Variants in SMAD9 observed in about 807,000 individuals in gnomAD.
SMAD9 encodes the protein MAD homolog 9.
Under a neutral mutation model 46.1 loss-of-function variants are expected in SMAD9, and 36 were observed. The ratio of observed to expected loss-of-function variants is 0.78; its 90% CI spans 0.60 to 1.03. The LOEUF (loss-of-function observed/expected upper bound fraction) is 1.03. Ranked by LOEUF, SMAD9 falls within the 50% of genes least tolerant of loss-of-function variation. The probability of loss-of-function intolerance (pLI) is 0.00; values close to 1 mark genes in which losing one functional copy is unlikely to be tolerated. For synonymous variants in SMAD9, 245 were observed against 237.1 expected (o/e 1.03, Z -0.31); for missense variants, 572 against 599.8 (o/e 0.95, Z 0.48).
At position 36,867,398 on chromosome 13, in the gene SMAD9, T is replaced by C; in HGVS notation, c.671-15A>G. On this transcript the variant is annotated splice_polypyrimidine_tract_variant and intron_variant, in intron 3 of 6. Coordinates refer to ENST00000379826, the MANE Select transcript of SMAD9 (RefSeq NM_001127217.3). ...TGGTGTGTCAACTAAAAGAAAGCAG[T>C]AGAACAAAGGAATTGTCAAATCGAT... 7 of 1,491,210 alleles carry C rather than the reference T, an allele frequency of 4.7e-6. No homozygotes were observed. Among genetic ancestry groups the C allele is most frequent in the Non-Finnish European group, 5.5e-6 (6 of 1,097,852 alleles). 92.4% of individuals were successfully genotyped at this position (1,491,210 alleles called of 1,614,324 possible).
intron 1 of SMAD9, among the ~76,000 whole-genome samples, chr13:36,904,115 A>G (rs532451484): frequency 6.6e-6 from 1 of 152,238 alleles, no homozygotes; most frequent in African/African-American, 2.4e-5. Context: ...CGCTCCACAA[A>G]TCAAGCCATA....
chr13:36,871,059 C>T (rs1350177683), intron 3 of SMAD9, among the ~76,000 whole-genome samples: 2 of 152,192 alleles, frequency 1.3e-5, no homozygotes, highest in Non-Finnish European at 2.9e-5. Flanking sequence ...CTGCAACTGA[C>T]CTCTGGTAGC....
chr13:36,872,725 C>A lies in SMAD9; in HGVS notation c.603G>T (p.Pro201=), dbSNP rs934648707. Residue 201 remains proline, a synonymous_variant, in exon 3 of 7, where the codon CCG becomes CCT. Coordinates refer to ENST00000379826, the MANE Select transcript of SMAD9 (RefSeq NM_001127217.3). ...GGGAGTGAGGGTAGCTGGCCGTGCACGGGGACTGGGAGAACGCGTGGCTGG... is the reference window on the plus strand; with the variant it reads ...GGGAGTGAGGGTAGCTGGCCGTGCAAGGGGACTGGGAGAACGCGTGGCTGG... ...PSPSHAFSQS[P]CTASYPHSPG... 16 of 1,613,882 alleles carry A rather than the reference C, an allele frequency of 9.9e-6. No individual in the cohort carries two copies. The highest frequency in any genetic ancestry group is 1.4e-5 in the Non-Finnish European group (16 of 1,179,972).
chr13:36,903,244 A>G (rs576907951), intron 1 of SMAD9, among the ~76,000 whole-genome samples: 2 of 149,800 alleles, frequency 1.3e-5, no homozygotes, highest in Non-Finnish European at 2.9e-5. Flanking sequence ...CTCCTGCCTC[A>G]GGCTCCTGCA....
rs571030145 is a variant in SMAD9 at position 36,900,922 on chromosome 13, G to GT, written c.-187+19193dup. ...AATAGAACCCTATACACATTCAGCA[G>GT]TTTTTTCCTATTCTTCCCTCCCCAT... is the stretch of plus-strand genomic sequence containing the variant. On this transcript the variant is annotated intron_variant, in intron 1 of 6. Transcript: ENST00000379826. Among the ~76,000 whole-genome samples the GT allele has an allele frequency of 4.0e-4, 59 of 146,712 alleles. 1 individual carries two copies. The South Asian group carries it at 8.8e-3, about 22-fold the overall frequency.
intron 3 of SMAD9, among the ~76,000 whole-genome samples, chr13:36,871,904 G>A (rs1335988914): frequency 2.0e-5 from 3 of 152,196 alleles, no homozygotes; most frequent in Non-Finnish European, 4.4e-5. Flanking sequence ...ATAAATGAAT[G>A]AGGCAGATTG....
chr13:36,917,769 TAC>T (rs1204299914), intron 1 of SMAD9, among the ~76,000 whole-genome samples: 1 of 152,240 alleles, frequency 6.6e-6, no homozygotes, highest in African/African-American at 2.4e-5. Flanking sequence ...TCCTATTTAT[TAC>T]AGAGGGAATG....
intron 6 of SMAD9, among the ~76,000 whole-genome samples, chr13:36,850,784 C>A (rs1031115114): frequency 6.6e-6 from 1 of 152,202 alleles, no homozygotes; most frequent in Non-Finnish European, 1.5e-5. Context: ...GCCCAAACCT[C>A]TCTCCCCGAA....
At chr13:36,879,920 T>C in intron 1 of SMAD9, 45 bp from the exon 2 acceptor site, 1 of 561,844 alleles carries the variant, frequency 1.8e-6, no homozygotes, top group African/African-American at 1.9e-5. Context: ...CGGAGTAACA[T>C]TCAGAAAAAG....
At chr13:36,906,279 C>T (rs1414494773) in intron 1 of SMAD9, among the ~76,000 whole-genome samples, 1 of 151,960 alleles carries the variant, frequency 6.6e-6, no homozygotes, top group Non-Finnish European at 1.5e-5. Context: ...TTTTTAAAAA[C>T]AGGAAATTTT....
rs957287464 is a variant in SMAD9, at chr13:36,904,414, G to A, written c.-187+15702C>T. Among the ~76,000 whole-genome samples the A allele has an allele frequency of 5.9e-5, 9 of 152,200 alleles. No homozygotes were observed. The South Asian group carries it at 6.2e-4, about 10-fold the overall frequency. On this transcript the variant is annotated intron_variant, in intron 1 of 6. Transcript: ENST00000379826. The stretch of plus-strand genomic sequence containing the variant: ...TGCGAATCGCTCTATCCAAGCCTCA[G>A]GGAAAATGTATAATTGCCCTATGCA...
intron 1 of SMAD9, among the ~76,000 whole-genome samples, chr13:36,886,895 G>A (rs1203959752): frequency 6.6e-6 from 1 of 152,018 alleles, no homozygotes; most frequent in Non-Finnish European, 1.5e-5. Context: ...GGTAACTGGA[G>A]GAAAAACTGT....
At chr13:36,899,131 G>A (rs1262287564) in intron 1 of SMAD9, among the ~76,000 whole-genome samples, 1 of 151,974 alleles carries the variant, frequency 6.6e-6, no homozygotes, top group Non-Finnish European at 1.5e-5. Context: ...TTTACCAGCA[G>A]AAAACAAATG....
At chr13:36,871,550 C>T (rs755759795) in intron 3 of SMAD9, among the ~76,000 whole-genome samples, 2 of 151,926 alleles carry the variant, frequency 1.3e-5, no homozygotes, top group Non-Finnish European at 2.9e-5. Context: ...AATAAATAAA[C>T]GCCTGTGTAG....
chr13:36,851,218 T>G (rs951111493), intron 6 of SMAD9, among the ~76,000 whole-genome samples: 2 of 152,178 alleles, frequency 1.3e-5, no homozygotes, highest in African/African-American at 4.8e-5. Context: ...TCCCTGCGGC[T>G]GCTCTCATCT....
rs116445845 is a variant in SMAD9, at chr13:36,867,676, C to T, written c.671-293G>A. Among the ~76,000 whole-genome samples, 444 of 152,320 alleles carry T rather than the reference C, an allele frequency of 2.9e-3. 1 individual carries two copies. Among genetic ancestry groups the T allele is most frequent in the African/African-American group, 0.01 (420 of 41,572 alleles). ...AAGACTTTCAAATGCAGAACCTGTT[C>T]TCCTAGCTTTTCTCATAGCAGAATA... On this transcript the variant is annotated intron_variant, in intron 3 of 6. Transcript: ENST00000379826.
At chr13:36,896,135 A>T (rs912048072) in intron 1 of SMAD9, among the ~76,000 whole-genome samples, 2 of 151,220 alleles carry the variant, frequency 1.3e-5, no homozygotes, top group African/African-American at 4.9e-5. Flanking sequence ...TTATTTATTT[A>T]TTTATTTATT....
chr13:36,870,660 G>A (rs779500273), intron 3 of SMAD9, among the ~76,000 whole-genome samples: 4 of 152,102 alleles, frequency 2.6e-5, no homozygotes, highest in African/African-American at 7.2e-5. Flanking sequence ...GACCCCCAGT[G>A]GCTACCTGAA....
At chr13:36,870,646 C>G (rs151303956) in intron 3 of SMAD9, among the ~76,000 whole-genome samples, 15 of 152,316 alleles carry the variant, frequency 9.8e-5, no homozygotes, top group African/African-American at 3.6e-4. Context: ...GAGATACAGT[C>G]CGAGACCCCC....
Sources: allele counts gnomAD v4.1 joint callset (sites outside exome capture counted in the v4.1 genomes callset), GRCh38; gene constraint gnomAD v4.1.1; transcripts MANE v1.5; gene names NCBI Gene and HGNC (gene_info 2026-07-23, HGNC 2026-07-21).